ADARB2: variants seen among roughly 807,000 people sequenced by gnomAD.
The protein encoded by ADARB2 is inactive double-stranded RNA-specific editase B2.
Under a neutral mutation model 62.2 loss-of-function variants are expected in ADARB2, and 25 were observed. The observed-to-expected ratio is 0.40, with a 90% confidence interval of 0.29 to 0.56. ADARB2 has a LOEUF of 0.56. Ranked by LOEUF, ADARB2 falls within the 20% of genes least tolerant of loss-of-function variation. The pLI is 0.43. For synonymous variants in ADARB2, 572 were observed against 500.8 expected (o/e 1.14, Z -1.90); for missense variants, 1,071 against 1,077.4 (o/e 0.99, Z 0.08).
chr10:1,275,850 G>A lies in ADARB2; in HGVS notation c.1078-4781C>T, dbSNP rs562535733. 5.2e-3 allele frequency among the ~76,000 whole-genome samples: 788 copies of A among 152,046 alleles called. 14 individuals are homozygous for A. The highest frequency in any genetic ancestry group is 0.018 in the African/African-American group (732 of 41,418). On this transcript the variant is annotated intron_variant, in intron 3 of 9. Transcript: ENST00000381312. ...AGGACACGAACTCATCATTTTTTAT[G>A]GCTGCATAGTATTCCATGGTGTATA...
chr10:1,241,904 T>TAA (rs1204296295), intron 5 of ADARB2, among the ~76,000 whole-genome samples: 4 of 152,036 alleles, frequency 2.6e-5, no homozygotes, highest in African/African-American at 4.8e-5. Context: ...GAGGGAAACG[T>TAA]GGAGTAAGGA....
chr10:1,608,072 G>A (rs1460164453), intron 1 of ADARB2, among the ~76,000 whole-genome samples: 1 of 152,144 alleles, frequency 6.6e-6, no homozygotes, highest in African/African-American at 2.4e-5. Context: ...CTGAAAGAAG[G>A]GTAAAACACA....
At chr10:1,616,346 T>C (rs1482342352) in intron 1 of ADARB2, among the ~76,000 whole-genome samples, 1 of 152,248 alleles carries the variant, frequency 6.6e-6, no homozygotes, top group African/African-American at 2.4e-5. Context: ...AACCAGCAAG[T>C]AGTGCTAGAT....
At chr10:1,429,480 G>A (rs556694156) in intron 1 of ADARB2, among the ~76,000 whole-genome samples, 46 of 152,270 alleles carry the variant, frequency 3.0e-4, no homozygotes, top group African/African-American at 1.1e-3. Flanking sequence ...AAGAGAATAT[G>A]GTAAAATATT....
chr10:1,360,012 G>C (rs1357141199), intron 3 of ADARB2, among the ~76,000 whole-genome samples: 1 of 152,258 alleles, frequency 6.6e-6, no homozygotes, highest in Non-Finnish European at 1.5e-5. Context: ...GCAAGCCTTT[G>C]GCGGAGAGCA....
Position 1,299,353 on chromosome 10 carries a change from G to A in ADARB2, c.1078-28284C>T, listed in dbSNP as rs562137555. On this transcript the variant is annotated intron_variant, in intron 3 of 9. Transcript: ENST00000381312. ...GGACGTGGACGTGGCCACAGCCCCA[G>A]CCTGGACTGCCCCTCACATGTCAGC... Among the ~76,000 whole-genome samples the A allele has an allele frequency of 4.1e-4, 63 of 152,260 alleles. No individual in the cohort carries two copies. The South Asian group carries it at 0.013, about 31-fold the overall frequency.
chr10:1,492,606 GC>G (rs1831636246), intron 1 of ADARB2, among the ~76,000 whole-genome samples: 1 of 152,116 alleles, frequency 6.6e-6, no homozygotes, highest in South Asian at 2.1e-4. Flanking sequence ...TGTGTTGGCA[GC>G]CCTAGAAGGC....
chr10:1,703,122 G>T lies in ADARB2; in HGVS notation c.100+33929C>A, dbSNP rs373003965. 5.3e-5 allele frequency among the ~76,000 whole-genome samples: 8 copies of T among 152,292 alleles called. No individual in the cohort carries two copies. In the South Asian group the frequency reaches 1.7e-3, roughly 32 times the overall value. On this transcript the variant is annotated intron_variant, in intron 1 of 9. Coordinates refer to ENST00000381312, the MANE Select transcript of ADARB2 (RefSeq NM_018702.4). ...ACTGATTCACTGCACATGTAAGCACGTGCTACACCAGGGGCTCATCTGAGT... is the reference window on the plus strand; with the variant it reads ...ACTGATTCACTGCACATGTAAGCACTTGCTACACCAGGGGCTCATCTGAGT...
chr10:1,481,749 C>T (rs1831475150), intron 1 of ADARB2, among the ~76,000 whole-genome samples: 3 of 151,302 alleles, frequency 2.0e-5, no homozygotes, highest in South Asian at 4.2e-4. Flanking sequence ...CCCAGCTACT[C>T]AGGAGGCTGA....
At chr10:1,345,996 G>A (rs1459379671) in intron 3 of ADARB2, among the ~76,000 whole-genome samples, 1 of 152,166 alleles carries the variant, frequency 6.6e-6, no homozygotes. Context: ...TGCCGGCAGA[G>A]GATGCCTTCC....
At chr10:1,263,454 C>G (rs985080932) in intron 4 of ADARB2, among the ~76,000 whole-genome samples, 1 of 152,044 alleles carries the variant, frequency 6.6e-6, no homozygotes, top group African/African-American at 2.4e-5. Context: ...GTCAAAGAGA[C>G]CAGAATAAAA....
At chr10:1,399,642 A>T (rs551648496) in intron 1 of ADARB2, among the ~76,000 whole-genome samples, 1 of 152,226 alleles carries the variant, frequency 6.6e-6, no homozygotes, top group African/African-American at 2.4e-5. Context: ...CTGCTGTGTG[A>T]TGATCACGCC....
rs565661212 is a variant in ADARB2, at chr10:1,272,209, G to A, written c.1078-1140C>T. Among the ~76,000 whole-genome samples, 7 of 152,216 alleles carry A rather than the reference G, an allele frequency of 4.6e-5. No homozygotes were observed. The East Asian group carries it at 1.2e-3, about 25-fold the overall frequency. On this transcript the variant is annotated intron_variant, in intron 3 of 9. Coordinates refer to ENST00000381312, the MANE Select transcript of ADARB2 (RefSeq NM_018702.4). Reference sequence around the variant, plus strand: ...GAGGCAGGAAACAGTCCCTTTTCCTGGTGGACTGGGCTTCCCCATTACCAC... The same window carrying A: ...GAGGCAGGAAACAGTCCCTTTTCCTAGTGGACTGGGCTTCCCCATTACCAC...
intron 3 of ADARB2, among the ~76,000 whole-genome samples, chr10:1,322,272 T>G (rs534798910): frequency 1.1e-3 from 167 of 152,260 alleles, no homozygotes; most frequent in African/African-American, 3.9e-3. Flanking sequence ...AACTATTTTG[T>G]CTTTTTCAAA....
chr10:1,475,139 G>A (rs1248973803), intron 1 of ADARB2, among the ~76,000 whole-genome samples: 1 of 152,118 alleles, frequency 6.6e-6, no homozygotes, highest in African/African-American at 2.4e-5. Flanking sequence ...TCAGCAGGAG[G>A]ACCCCCGGGG....
intron 3 of ADARB2, among the ~76,000 whole-genome samples, chr10:1,343,665 A>G (rs963435555): frequency 6.6e-6 from 1 of 152,246 alleles, no homozygotes; most frequent in Non-Finnish European, 1.5e-5. Flanking sequence ...AATATGCTAC[A>G]TATACACCAT....
chr10:1,662,693 G>A (rs1287976083), intron 1 of ADARB2, among the ~76,000 whole-genome samples: 2 of 152,212 alleles, frequency 1.3e-5, no homozygotes, highest in Non-Finnish European at 2.9e-5. Context: ...GCTTCCAGCA[G>A]GCCAGAGACA....
At chr10:1,228,078 TC>T (rs1468506445) in intron 6 of ADARB2, among the ~76,000 whole-genome samples, 2 of 152,250 alleles carry the variant, frequency 1.3e-5, no homozygotes, top group Non-Finnish European at 2.9e-5. Flanking sequence ...TATTTTATAT[TC>T]CCTGACTTCC....
intron 3 of ADARB2, among the ~76,000 whole-genome samples, chr10:1,300,475 C>T (rs540685615): frequency 1.3e-5 from 2 of 152,224 alleles, no homozygotes; most frequent in Non-Finnish European, 2.9e-5. Context: ...CAGACACCTC[C>T]TCCTCCACTA....
Sources: gnomAD v4.1 joint callset for allele counts (sites outside exome capture counted in the v4.1 genomes callset) on GRCh38, gnomAD v4.1.1 for gene constraint, MANE v1.5 for transcripts, NCBI Gene and HGNC (gene_info 2026-07-23, HGNC 2026-07-21) for gene names.